Variants in MYO19 observed in about 807,000 individuals in gnomAD.
MYO19 encodes the protein myosin XIX.
In MYO19, 132 loss-of-function variants were observed where a neutral mutation model predicts 129.2. That is an observed-to-expected ratio of 1.02 (90% CI 0.89 to 1.18). The LOEUF (loss-of-function observed/expected upper bound fraction) is 1.18. Among genes scored for constraint, MYO19 ranks in the 50% most tolerant of loss-of-function variants. MYO19 has a pLI of 0.00. For missense variants in MYO19, 1,210 were observed against 1,216.7 expected (o/e 0.99, Z 0.08); for synonymous variants, 531 against 477.2 (o/e 1.11, Z -1.47).
chr17:36,515,264 G>A, intron 7 of MYO19, 82 bp from the exon 8 acceptor site: 1 of 1,310,806 alleles, frequency 7.6e-7, no homozygotes, highest in Non-Finnish European at 1.1e-6. Context: ...GTCTCTGGAG[G>A]TCATGTTCCC....
intron 8 of MYO19, 102 bp from the exon 9 acceptor site, chr17:36,514,650 GC>G (rs1359193662): frequency 1.3e-6 from 1 of 754,704 alleles, no homozygotes; most frequent in Non-Finnish European, 2.3e-6. Flanking sequence ...GCAACTCCCC[GC>G]CAAGCTCTTC....
At position 36,507,156 on chromosome 17, in the gene MYO19, G is replaced by C. The variant is rs1410876881; in HGVS notation, c.1468-17C>G. On this transcript the variant is annotated splice_polypyrimidine_tract_variant and intron_variant, in intron 16 of 25. Transcript: ENST00000614623. The stretch of plus-strand genomic sequence containing the variant: ...GCGGCATTCCTGTGGGATGGGAACA[G>C]GGGGTCAGCCACCAACATGAGAGTG... 4 of 1,590,742 alleles carry C rather than the reference G, an allele frequency of 2.5e-6. No individual in the cohort carries two copies. The African/African-American group carries it at 5.5e-5, about 22-fold the overall frequency.
chr17:36,510,855 G>A lies in MYO19; in HGVS notation c.1048C>T (p.Gln350Ter). 6.3e-7 allele frequency: 1 copy of A among 1,582,114 alleles called. No individual in the cohort carries two copies. The highest frequency in any genetic ancestry group is 8.6e-7 in the Non-Finnish European group (1 of 1,163,962). Residue 350 changes from glutamine to a stop codon, truncating the protein, a stop_gained, in exon 13 of 26, where the codon CAG becomes TAG. Transcript: ENST00000614623. LOFTEE classifies it high-confidence loss of function. ...LPEDVLLEMV[Q>*]IRTIRAGRQQ... ...CTGCCTGCCCTGATGGTTCTAATCT[G>A]CACCATCTCCAGCAGCACGTCCTCT...
At chr17:36,513,242 C>T (rs1428159062) in intron 11 of MYO19, 187 bp downstream of exon 11, 15 of 1,457,930 alleles carry the variant, frequency 1.0e-5, no homozygotes, top group East Asian at 7.4e-5. Flanking sequence ...CCTTATGCCC[C>T]GTCCACCCCA....
chr17:36,527,222 A>C (rs2073526716), intron 5 of MYO19, among the ~76,000 whole-genome samples: 1 of 152,118 alleles, frequency 6.6e-6, no homozygotes, highest in African/African-American at 2.4e-5. Flanking sequence ...TAGTTTGTTA[A>C]ATAAACAAAT....
intron 14 of MYO19, 163 bp from the exon 15 acceptor site, chr17:36,508,087 C>T (rs2072045875): frequency 1.2e-5 from 8 of 643,974 alleles, no homozygotes; most frequent in Non-Finnish European, 1.9e-5. Context: ...AACATACCTT[C>T]CCCACCCTCC....
At chr17:36,538,224 A>G (rs1267632826), upstream of MYO19, 4 of 1,613,034 alleles carry the variant, frequency 2.5e-6, no homozygotes, top group African/African-American at 1.3e-5. Flanking sequence ...AGCCTTTTGT[A>G]TTTGGATAGT....
intron 3 of MYO19, among the ~76,000 whole-genome samples, chr17:36,528,831 A>T (rs1345467327): frequency 1.1e-4 from 17 of 152,230 alleles, no homozygotes; most frequent in Non-Finnish European, 1.8e-4. Context: ...CTCTTCTGCC[A>T]AGAGCTCCGG....
Position 36,495,995 on chromosome 17 carries a change from T to C in MYO19, c.*256A>G. 1 of 793,744 alleles carries C rather than the reference T, an allele frequency of 1.3e-6. No individual in the cohort carries two copies. Among genetic ancestry groups the C allele is most frequent in the Non-Finnish European group, 1.8e-6 (1 of 556,222 alleles). The allele number at this position is 793,744 out of a possible 1,614,324, so 49.2% of individuals were successfully genotyped here. On this transcript the variant is annotated 3_prime_UTR_variant, in exon 26 of 26. Coordinates refer to ENST00000614623, the MANE Select transcript of MYO19 (RefSeq NM_001163735.2). The stretch of plus-strand genomic sequence containing the variant: ...TGCTGAGTTTGATCTGTGAAGGTAG[T>C]GAAATGTGGCCCTGATGTTTCTTAA...
intron 24 of MYO19, chr17:36,498,830 A>C (rs2071239375): frequency 3.4e-6 from 2 of 593,634 alleles, no homozygotes; most frequent in Non-Finnish European, 6.0e-6. Flanking sequence ...CAGTCTTCTA[A>C]AGTGTACATC....
chr17:36,519,226 A>G (rs1420782635), intron 6 of MYO19, among the ~76,000 whole-genome samples: 1 of 152,158 alleles, frequency 6.6e-6, no homozygotes, highest in African/African-American at 2.4e-5. Context: ...TTTCCTTTCA[A>G]TGAGAGCAGA....
rs1489916648 is a variant in MYO19 at position 36,506,505 on chromosome 17, G to C, written c.1748C>G (p.Pro583Arg). The change falls in exon 18 of 26, where the codon CCC (proline) becomes CGC (arginine). Residue 583 changes from proline to arginine, a missense_variant. Transcript: ENST00000614623. ...TNPKEKTQEEPPGQSRAPVLT... is the reference protein window; with the variant it reads ...TNPKEKTQEERPGQSRAPVLT... ...CACAGGGGCCCTGCTCTGGCCAGGG[G>C]GTTCCTCCTGGGTCTTCTCTTTGGG... 3.1e-6 allele frequency: 5 copies of C among 1,610,412 alleles called. No homozygotes were observed. In the East Asian group the frequency reaches 1.1e-4, roughly 36 times the overall value.
At chr17:36,538,846 C>T (rs753976547), upstream of MYO19, 22 of 408,814 alleles carry the variant, frequency 5.4e-5, no homozygotes, top group Non-Finnish European at 9.0e-5. Flanking sequence ...CTCCACCTCC[C>T]GGGTTCAAGC....
chr17:36,506,821 G>C (rs1274603350), intron 17 of MYO19, 142 bp downstream of exon 17: 3 of 1,180,446 alleles, frequency 2.5e-6, no homozygotes, highest in African/African-American at 1.5e-5. Context: ...ACCTCAGACA[G>C]GTGGGCCCAA....
chr17:36,501,913 G>A (rs1375781947), intron 21 of MYO19: 2 of 152,472 alleles, frequency 1.3e-5, no homozygotes, highest in African/African-American at 2.4e-5. Flanking sequence ...TGCCAAAGGA[G>A]ACACCACAGA....
rs1349913364 is a variant in MYO19, at chr17:36,525,211, G to A, written c.414+17C>T. ...AGCCAGTCGTGAGTTGACAGGATGG[G>A]AAAGACGTCTTCCTACCTTTCCAGC... On this transcript the variant is annotated intron_variant, in intron 6 of 25. Transcript: ENST00000614623. 2.5e-6 allele frequency: 4 copies of A among 1,594,996 alleles called. No homozygotes were observed. The highest frequency in any genetic ancestry group is 3.4e-6 in the Non-Finnish European group (4 of 1,162,996).
chr17:36,506,980 G>T lies in MYO19; in HGVS notation c.1627C>A (p.Leu543Met). Residue 543 changes from leucine to methionine, a missense_variant, in exon 17 of 26, where the codon CTG becomes ATG. Leu to Met is a conservative substitution (Grantham distance 15, BLOSUM62 2). Transcript: ENST00000614623. ...AGPVRYHTAG[L>M]VEKNKDPIPP... Reference sequence around the variant, plus strand: ...GCCCGTACCTTGTTCTTCTCCACCAGGCCTGCTGTGTGGTACCGCACAGGC... The same window carrying T: ...GCCCGTACCTTGTTCTTCTCCACCATGCCTGCTGTGTGGTACCGCACAGGC... The T allele has an allele frequency of 6.3e-7, 1 of 1,598,972 alleles. No homozygotes were observed. The highest frequency in any genetic ancestry group is 8.6e-7 in the Non-Finnish European group (1 of 1,168,360).
At chr17:36,500,208 G>A (rs1299738751) in intron 23 of MYO19, 2 of 152,220 alleles carry the variant, frequency 1.3e-5, no homozygotes, top group South Asian at 2.1e-4. Flanking sequence ...ACCTTAAAAG[G>A]AGGGCATCGC....
chr17:36,496,247 A>C lies in MYO19; in HGVS notation c.*4T>G. The C allele has an allele frequency of 6.2e-7, 1 of 1,613,720 alleles. No homozygotes were observed. The highest frequency in any genetic ancestry group is 8.5e-7 in the Non-Finnish European group (1 of 1,179,696). On this transcript the variant is annotated 3_prime_UTR_variant, in exon 26 of 26. Transcript: ENST00000614623. Reference sequence around the variant, plus strand: ...AGGCCTTGTGGAAACAAAGGCACCAAGGATCACCCCAGCCCAGTGAAGGCA... The same window carrying C: ...AGGCCTTGTGGAAACAAAGGCACCACGGATCACCCCAGCCCAGTGAAGGCA...
Sources: allele counts gnomAD v4.1 joint callset (sites outside exome capture counted in the v4.1 genomes callset), GRCh38; gene constraint gnomAD v4.1.1; transcripts MANE v1.5; gene names NCBI Gene and HGNC (gene_info 2026-07-23, HGNC 2026-07-21).